The following KCNIP4 variants were observed in gnomAD, a reference collection of about 807,000 sequenced individuals.
KCNIP4 encodes Kv channel-interacting protein 4.
KCNIP4 carries 12 observed loss-of-function variants against 34.0 expected under a neutral mutation model. The ratio of observed to expected loss-of-function variants is 0.35; its 90% CI spans 0.23 to 0.57. The LOEUF is 0.57. KCNIP4 is among the 20% of genes least tolerant of loss of function. The probability of loss-of-function intolerance (pLI) is 0.83; values close to 1 mark genes in which losing one functional copy is unlikely to be tolerated. For missense variants in KCNIP4, 238 were observed against 311.7 expected, an observed-to-expected ratio of 0.76 and a Z score of 1.78; for synonymous variants, 124 against 102.2, an observed-to-expected ratio of 1.21 and a Z score of -1.29.
At chr4:20,828,965 T>C (rs1050613379) in intron 3 of KCNIP4, among the ~76,000 whole-genome samples, 1 of 152,190 alleles carries the variant, frequency 6.6e-6, no homozygotes, top group Non-Finnish European at 1.5e-5. Context: ...AGGCCTCTTT[T>C]GTTACTCTCT....
chr4:21,237,506 G>C (rs1759455158), intron 1 of KCNIP4, among the ~76,000 whole-genome samples: 1 of 152,110 alleles, frequency 6.6e-6, no homozygotes, highest in Non-Finnish European at 1.5e-5. Flanking sequence ...GAAGAAAAGA[G>C]AGAAGAATCA....
Position 21,855,130 on chromosome 4 carries a change from AG to A in KCNIP4, c.61+93440del, listed in dbSNP as rs1220727861. 4.6e-5 allele frequency among the ~76,000 whole-genome samples: 7 copies of A among 152,196 alleles called. 1 individual carries two copies. The highest frequency in any genetic ancestry group is 2.0e-4 in the Admixed American group (3 of 15,282). On this transcript the variant is annotated intron_variant, in intron 1 of 8. Transcript: ENST00000382152. ...GCAACAGACAGAATCTTCCCCCTACAGGGAGTTCAATGGAGAGCCGTCTATT... is the reference window on the plus strand; with the variant it reads ...GCAACAGACAGAATCTTCCCCCTACAGGAGTTCAATGGAGAGCCGTCTATT...
At chr4:20,979,860 G>A (rs116236739) in intron 1 of KCNIP4, among the ~76,000 whole-genome samples, 295 of 152,204 alleles carry the variant, frequency 1.9e-3, no homozygotes, top group African/African-American at 6.8e-3. Flanking sequence ...TGAACCCCAA[G>A]TAACTTGTCC....
chr4:21,366,819 G>A (rs1012732954), intron 1 of KCNIP4, among the ~76,000 whole-genome samples: 1 of 151,958 alleles, frequency 6.6e-6, no homozygotes, highest in African/African-American at 2.4e-5. Flanking sequence ...GGGAGGGAGG[G>A]AGAGAGGTAG....
rs1302138977 is a variant in KCNIP4, at chr4:21,370,846, TATATACACAC to T, written c.62-488147_62-488138del. 4.6e-3 allele frequency among the ~76,000 whole-genome samples: 111 copies of T among 24,392 alleles called. 1 individual carries two copies. Among genetic ancestry groups the T allele is most frequent in the Non-Finnish European group, 5.0e-3 (83 of 16,724 alleles). The allele number at this position is 24,392 out of a possible 152,430, so 16.0% of individuals were successfully genotyped here. On this transcript the variant is annotated intron_variant, in intron 1 of 8. Transcript: ENST00000382152. ...ATATATATATATATATATATATATATATATACACACACACACACACACACACACACACACA... is the reference window on the plus strand; with the variant it reads ...ATATATATATATATATATATATATATACACACACACACACACACACACACA...
At chr4:21,292,334 G>A (rs1484782197) in intron 1 of KCNIP4, among the ~76,000 whole-genome samples, 1 of 152,050 alleles carries the variant, frequency 6.6e-6, no homozygotes, top group Non-Finnish European at 1.5e-5. Context: ...TACCTCCATC[G>A]TCTGAGCTAC....
rs555403414 is a variant in KCNIP4 at position 20,735,662 on chromosome 4, G to A, written c.430-927C>T. 2.8e-3 allele frequency among the ~76,000 whole-genome samples: 420 copies of A among 150,820 alleles called. 6 individuals carry two copies. The highest frequency in any genetic ancestry group is 9.9e-3 in the African/African-American group (406 of 41,106). Reference sequence around the variant, plus strand: ...AGCCATTCTTCTGCCTCAGCCTCCCGAGTAGCTGGGACTACAGGCACCCGC... The same window carrying A: ...AGCCATTCTTCTGCCTCAGCCTCCCAAGTAGCTGGGACTACAGGCACCCGC... On this transcript the variant is annotated intron_variant, in intron 5 of 8. Transcript: ENST00000382152.
chr4:21,228,970 C>T (rs1758605465), intron 1 of KCNIP4, among the ~76,000 whole-genome samples: 1 of 152,140 alleles, frequency 6.6e-6, no homozygotes, highest in African/African-American at 2.4e-5. Flanking sequence ...TGTGCACGGT[C>T]ACTCAAGGCC....
At chr4:21,799,884 C>A (rs113141677) in intron 1 of KCNIP4, among the ~76,000 whole-genome samples, 17 of 152,294 alleles carry the variant, frequency 1.1e-4, no homozygotes, top group African/African-American at 3.6e-4. Flanking sequence ...CCACTCATTT[C>A]CTTATCATCT....
At chr4:20,933,711 A>G (rs950489657) in intron 1 of KCNIP4, among the ~76,000 whole-genome samples, 3 of 151,376 alleles carry the variant, frequency 2.0e-5, no homozygotes, top group African/African-American at 2.4e-5. Context: ...TTCTTTTGCC[A>G]TAACTTTAGA....
At chr4:21,912,919 T>A (rs909526713) in intron 1 of KCNIP4, among the ~76,000 whole-genome samples, 3 of 151,826 alleles carry the variant, frequency 2.0e-5, no homozygotes, top group Non-Finnish European at 4.4e-5. Context: ...TATATTTACA[T>A]ATTTTTAAAA....
chr4:20,785,328 CT>C (rs60704201), intron 3 of KCNIP4, among the ~76,000 whole-genome samples: 54,976 of 136,026 alleles, frequency 0.4, 10,268 homozygotes, highest in East Asian at 0.66. Context: ...ATTTTTTTTT[CT>C]TTTTTTTTTT....
chr4:21,471,091 A>G (rs1730430380), intron 1 of KCNIP4, among the ~76,000 whole-genome samples: 1 of 152,158 alleles, frequency 6.6e-6, no homozygotes, highest in Admixed American at 6.5e-5. Context: ...TGTTTTAACA[A>G]GGCTTGCAGG....
chr4:21,052,975 A>G (rs1055630827), intron 1 of KCNIP4, among the ~76,000 whole-genome samples: 3 of 151,738 alleles, frequency 2.0e-5, no homozygotes, highest in Non-Finnish European at 4.4e-5. Context: ...GAGAGAGAGA[A>G]AGAGAGAGAT....
intron 1 of KCNIP4, among the ~76,000 whole-genome samples, chr4:21,531,456 A>G (rs1461719479): frequency 1.3e-5 from 2 of 150,734 alleles, no homozygotes; most frequent in African/African-American, 2.4e-5. Flanking sequence ...GCTCACTGCA[A>G]CCTCCACCTC....
intron 1 of KCNIP4, among the ~76,000 whole-genome samples, chr4:20,911,776 T>A (rs1456191473): frequency 6.6e-6 from 1 of 152,206 alleles, no homozygotes; most frequent in Non-Finnish European, 1.5e-5. Context: ...TAACATTTTT[T>A]ATTCCAAGTA....
At chr4:20,891,391 G>A (rs544648854) in intron 1 of KCNIP4, among the ~76,000 whole-genome samples, 4 of 152,094 alleles carry the variant, frequency 2.6e-5, no homozygotes, top group Non-Finnish European at 5.9e-5. Context: ...CTGATCACGA[G>A]GTTGGTAGAT....
intron 1 of KCNIP4, among the ~76,000 whole-genome samples, chr4:21,704,235 A>C (rs1471658968): frequency 6.6e-6 from 1 of 152,192 alleles, no homozygotes; most frequent in Non-Finnish European, 1.5e-5. Flanking sequence ...TAGAAAAAAA[A>C]AGAAGAAAAT....
chr4:21,676,593 ACT>A (rs1376422671), intron 1 of KCNIP4, among the ~76,000 whole-genome samples: 1 of 152,174 alleles, frequency 6.6e-6, no homozygotes, highest in Non-Finnish European at 1.5e-5. Context: ...GGAACTTTGT[ACT>A]CTGTCATATG....
Sources: allele counts gnomAD v4.1 joint callset (sites outside exome capture counted in the v4.1 genomes callset), GRCh38; gene constraint gnomAD v4.1.1; transcripts MANE v1.5; gene names NCBI Gene and HGNC (gene_info 2026-07-23, HGNC 2026-07-21).